LOC128092252: variants seen among roughly 807,000 people sequenced by gnomAD.
At chr15:50,679,478 A>T in the LOC128092252 span, among the ~76,000 whole-genome samples, 1 of 140,166 alleles carries the variant, frequency 7.1e-6, no homozygotes, top group Non-Finnish European at 1.5e-5. Flanking sequence ...TTTCATTTAT[A>T]TATATATATA....
the LOC128092252 span, among the ~76,000 whole-genome samples, chr15:50,662,161 G>A: frequency 6.6e-6 from 1 of 152,110 alleles, no homozygotes; most frequent in Non-Finnish European, 1.5e-5. Flanking sequence ...GAACCATCCT[G>A]GCTAACATGG....
At chr15:50,673,593 C>T in the LOC128092252 span, among the ~76,000 whole-genome samples, 1 of 151,998 alleles carries the variant, frequency 6.6e-6, no homozygotes, top group African/African-American at 2.4e-5. Flanking sequence ...ACTGTGAATG[C>T]CATTAATTCA....
At chr15:50,663,022 T>A in the LOC128092252 span, 1 of 1,613,802 alleles carries the variant, frequency 6.2e-7, no homozygotes, top group East Asian at 2.2e-5. Flanking sequence ...TTGGTCAAAG[T>A]GCTTTCTATC....
chr15:50,677,738 CAAAAAAAAAAAA>C, the LOC128092252 span, among the ~76,000 whole-genome samples: 358 of 38,168 alleles, frequency 9.4e-3, 2 homozygotes, highest in Non-Finnish European at 0.016. Flanking sequence ...GACCCCGTAT[CAAAAAAAAAAAA>C]AAAAAAAAAA....
the LOC128092252 span, among the ~76,000 whole-genome samples, chr15:50,661,738 G>A: frequency 6.6e-6 from 1 of 152,128 alleles, no homozygotes; most frequent in African/African-American, 2.4e-5. Context: ...TGCAGAGAAG[G>A]TAAATGGGTA....
chr15:50,653,997 A>AG, the LOC128092252 span, among the ~76,000 whole-genome samples: 20 of 152,334 alleles, frequency 1.3e-4, no homozygotes, highest in East Asian at 1.5e-3. Context: ...TCCACATCCT[A>AG]GGACTAAGTT....
the LOC128092252 span, among the ~76,000 whole-genome samples, chr15:50,679,419 G>A: frequency 6.9e-6 from 1 of 144,690 alleles, no homozygotes; most frequent in East Asian, 2.0e-4. Flanking sequence ...AGTGAGCAGG[G>A]TGTTGATACT....
the LOC128092252 span, among the ~76,000 whole-genome samples, chr15:50,675,343 C>CA: frequency 0.018 from 2,339 of 133,170 alleles, 45 homozygotes; most frequent in African/African-American, 0.055. Flanking sequence ...AATTCCATTT[C>CA]AAAAAAAAAA....
the LOC128092252 span, among the ~76,000 whole-genome samples, chr15:50,679,957 C>T: frequency 2.0e-5 from 3 of 151,900 alleles, no homozygotes; most frequent in Non-Finnish European, 4.4e-5. Context: ...AATGCATGAC[C>T]GGGCGGTGGC....
At chr15:50,674,015 GT>G in the LOC128092252 span, among the ~76,000 whole-genome samples, 1 of 152,114 alleles carries the variant, frequency 6.6e-6, no homozygotes, top group Admixed American at 6.6e-5. Context: ...TTGAGATGGA[GT>G]TTTACTCTGT....
At chr15:50,669,672 A>ATACC in the LOC128092252 span, among the ~76,000 whole-genome samples, 3 of 152,164 alleles carry the variant, frequency 2.0e-5, no homozygotes, top group Non-Finnish European at 4.4e-5. Flanking sequence ...GAACTATGGT[A>ATACC]TACCTGTCAG....
the LOC128092252 span, among the ~76,000 whole-genome samples, chr15:50,665,710 CT>C: frequency 1.3e-5 from 2 of 152,166 alleles, no homozygotes; most frequent in Middle Eastern, 3.4e-3. Flanking sequence ...AAAATGAAGG[CT>C]GGGCCAGGCA....
chr15:50,677,263 C>A, the LOC128092252 span, among the ~76,000 whole-genome samples: 1 of 152,082 alleles, frequency 6.6e-6, no homozygotes, highest in East Asian at 1.9e-4. Flanking sequence ...CCTATCAGAC[C>A]CAGGGCCCCA....
the LOC128092252 span, among the ~76,000 whole-genome samples, chr15:50,659,953 C>T: frequency 6.6e-6 from 1 of 152,184 alleles, no homozygotes; most frequent in African/African-American, 2.4e-5. Flanking sequence ...GCGTGAGCCA[C>T]CACACCCGAC....
the LOC128092252 span, among the ~76,000 whole-genome samples, chr15:50,684,401 G>T: frequency 6.6e-6 from 1 of 152,084 alleles, no homozygotes; most frequent in Non-Finnish European, 1.5e-5. Flanking sequence ...CAACACTTTG[G>T]GAGGTGAGAC....
chr15:50,656,085 T>C, the LOC128092252 span, among the ~76,000 whole-genome samples: 7 of 151,922 alleles, frequency 4.6e-5, no homozygotes, highest in African/African-American at 1.5e-4. Flanking sequence ...TCTTCAAACA[T>C]GAAAATAAAA....
chr15:50,653,434 G>A, the LOC128092252 span, among the ~76,000 whole-genome samples: 2 of 152,162 alleles, frequency 1.3e-5, no homozygotes, highest in African/African-American at 4.8e-5. Context: ...TAAGTCTTGT[G>A]ATTCATTCTA....
the LOC128092252 span, among the ~76,000 whole-genome samples, chr15:50,649,787 G>A: frequency 0.08 from 12,106 of 152,198 alleles, 574 homozygotes; most frequent in South Asian, 0.12. Context: ...AATCAGATGA[G>A]AGTTTGAGGA....
the LOC128092252 span, among the ~76,000 whole-genome samples, chr15:50,677,321 T>G: frequency 1.7e-4 from 26 of 152,104 alleles, no homozygotes; most frequent in South Asian, 5.4e-3. Flanking sequence ...CCCAAAGTTC[T>G]CATCTCCAAA....
Sources: allele counts gnomAD v4.1 joint callset (sites outside exome capture counted in the v4.1 genomes callset), GRCh38; gene constraint gnomAD v4.1.1; transcripts MANE v1.5.